RNF169: variants seen among roughly 807,000 people sequenced by gnomAD.
RNF169 encodes E3 ubiquitin-protein ligase RNF169.
A neutral mutation model predicts 53.9 loss-of-function variants in RNF169; 24 were observed. That is an observed-to-expected ratio of 0.45 (90% CI 0.32 to 0.63). The LOEUF is 0.63. Ranked by LOEUF, RNF169 falls within the 20% of genes least tolerant of loss-of-function variation. The probability of loss-of-function intolerance (pLI) is 0.04; values close to 1 mark genes in which losing one functional copy is unlikely to be tolerated. For synonymous variants in RNF169, 396 were observed against 363.5 expected, an observed-to-expected ratio of 1.09 and a Z score of -1.02; for missense variants, 883 against 906.2, an observed-to-expected ratio of 0.97 and a Z score of 0.33.
chr11:74,818,001 C>T (rs2035960536), intron 4 of RNF169, among the ~76,000 whole-genome samples: 1 of 152,228 alleles, frequency 6.6e-6, no homozygotes, highest in Admixed American at 6.5e-5. Flanking sequence ...AAGTCTTCTT[C>T]AGTCTGACAA....
At chr11:74,749,427 C>T in intron 1 of RNF169, 45 bp downstream of exon 1, 3 of 1,221,086 alleles carry the variant, frequency 2.5e-6, no homozygotes, top group Admixed American at 3.5e-5. Context: ...CGAGGCCGAG[C>T]GCGCCCCGGC....
chr11:74,762,425 C>A (rs548207768), intron 1 of RNF169, among the ~76,000 whole-genome samples: 1 of 152,148 alleles, frequency 6.6e-6, no homozygotes, highest in Non-Finnish European at 1.5e-5. Flanking sequence ...TTTTCCCCAT[C>A]TTTGTGGTTT....
At chr11:74,798,348 C>A (rs1201888538) in intron 2 of RNF169, among the ~76,000 whole-genome samples, 1 of 152,180 alleles carries the variant, frequency 6.6e-6, no homozygotes, top group Non-Finnish European at 1.5e-5. Flanking sequence ...TCTGAACTGG[C>A]CCCCCTGGGC....
At chr11:74,762,408 TTG>T (rs1212015300) in intron 1 of RNF169, among the ~76,000 whole-genome samples, 2 of 152,348 alleles carry the variant, frequency 1.3e-5, no homozygotes, top group African/African-American at 4.8e-5. Flanking sequence ...AGTTTTTCTA[TTG>T]TGTTTTTTCC....
At chr11:74,775,470 C>A (rs1338436494) in intron 1 of RNF169, among the ~76,000 whole-genome samples, 1 of 151,528 alleles carries the variant, frequency 6.6e-6, no homozygotes, top group Non-Finnish European at 1.5e-5. Flanking sequence ...TATTTAGAGA[C>A]CATGATTACT....
intron 2 of RNF169, among the ~76,000 whole-genome samples, chr11:74,796,184 G>A (rs1194205556): frequency 6.6e-6 from 1 of 152,058 alleles, no homozygotes; most frequent in East Asian, 1.9e-4. Context: ...ATTGCTAATG[G>A]CATGCTTTTT....
intron 3 of RNF169, among the ~76,000 whole-genome samples, chr11:74,811,119 T>C (rs2035869319): frequency 6.6e-6 from 1 of 152,034 alleles, no homozygotes; most frequent in African/African-American, 2.4e-5. Flanking sequence ...ACAGGCAAGA[T>C]AGCAGAGTGG....
chr11:74,832,468 G>C (rs1454237904), intron 4 of RNF169: 2 of 151,870 alleles, frequency 1.3e-5, no homozygotes, highest in African/African-American at 2.4e-5. Flanking sequence ...CTTTCAATTT[G>C]ACTGTTTTAC....
chr11:74,823,285 C>T (rs1464028468), intron 4 of RNF169, among the ~76,000 whole-genome samples: 1 of 152,126 alleles, frequency 6.6e-6, no homozygotes, highest in African/African-American at 2.4e-5. Context: ...TTAAAAGATA[C>T]TTTGCCTGGT....
chr11:74,836,659 A>T lies in RNF169; in HGVS notation c.2056A>T (p.Thr686Ser). Reference sequence around the variant, plus strand: ...GCGCATGTTCGACAATGAGAGGCGGACTGTGAGCCGGCGAAAAGGAAGTGT... The same window carrying T: ...GCGCATGTTCGACAATGAGAGGCGGTCTGTGAGCCGGCGAAAAGGAAGTGT... Reference protein sequence around the residue: ...LQRMFDNERRTVSRRKGSVDQ... With the variant: ...LQRMFDNERRSVSRRKGSVDQ... The change falls in exon 6 of 6, where the codon ACT (threonine) becomes TCT (serine). Residue 686 changes from threonine to serine, a missense_variant. Around this residue, in one of 3 missense-constraint regions of RNF169, gnomAD observed 351 missense variants for 337.3 expected, o/e 1.04. Coordinates refer to ENST00000299563, the MANE Select transcript of RNF169 (RefSeq NM_001098638.2). 1.2e-6 allele frequency: 2 copies of T among 1,613,914 alleles called. No homozygotes were observed. Among genetic ancestry groups the T allele is most frequent in the Non-Finnish European group, 1.7e-6 (2 of 1,180,034 alleles).
intron 2 of RNF169, among the ~76,000 whole-genome samples, 168 bp downstream of exon 2, chr11:74,789,867 G>A (rs1361954304): frequency 6.6e-5 from 10 of 152,194 alleles, no homozygotes; most frequent in African/African-American, 2.4e-4. Flanking sequence ...TGGCAGCAGA[G>A]CAAACCTTAA....
intron 4 of RNF169, among the ~76,000 whole-genome samples, chr11:74,833,345 C>G (rs564805422): frequency 6.6e-6 from 1 of 152,312 alleles, no homozygotes; most frequent in South Asian, 2.1e-4. Flanking sequence ...ATGATGCGTT[C>G]CATTCCAAAG....
At chr11:74,761,473 C>T (rs1278043917) in intron 1 of RNF169, among the ~76,000 whole-genome samples, 3,381 of 148,880 alleles carry the variant, frequency 0.023, 138 homozygotes, top group African/African-American at 0.077. Context: ...CCATGTTTAG[C>T]GCTTCCTTCA....
chr11:74,816,191 C>G (rs1417037014), intron 3 of RNF169, among the ~76,000 whole-genome samples: 2 of 152,202 alleles, frequency 1.3e-5, no homozygotes, highest in African/African-American at 4.8e-5. Flanking sequence ...TGATGCCTTG[C>G]GTGCCTACAT....
chr11:74,818,919 A>C (rs996743714), intron 4 of RNF169, among the ~76,000 whole-genome samples: 37 of 152,180 alleles, frequency 2.4e-4, no homozygotes, highest in Admixed American at 2.0e-3. Context: ...CTAATTATTT[A>C]AAAAATAATT....
At chr11:74,835,395 T>G in intron 5 of RNF169, 151 bp from the exon 6 acceptor site, 2 of 624,788 alleles carry the variant, frequency 3.2e-6, no homozygotes, top group Non-Finnish European at 2.8e-6. Flanking sequence ...GCTTTCTAAG[T>G]TAGGGATTTT....
Position 74,818,839 on chromosome 11 carries a change from G to C in RNF169, c.842+1125G>C, listed in dbSNP as rs575467644. Among the ~76,000 whole-genome samples, 3 of 152,236 alleles carry C rather than the reference G, an allele frequency of 2.0e-5. No homozygotes were observed. The East Asian group carries it at 5.8e-4, about 29-fold the overall frequency. The stretch of plus-strand genomic sequence containing the variant: ...TGCTGCTCCTGTGAATACACACCCA[G>C]ACCCTTTCATTTTGGGGCTTTTTTG... On this transcript the variant is annotated intron_variant, in intron 4 of 5. Coordinates refer to ENST00000299563, the MANE Select transcript of RNF169 (RefSeq NM_001098638.2).
intron 4 of RNF169, among the ~76,000 whole-genome samples, chr11:74,824,652 A>C (rs1159898585): frequency 1.3e-5 from 2 of 152,238 alleles, no homozygotes; most frequent in Admixed American, 1.3e-4. Context: ...AAAAGTTTGA[A>C]ATATTGTGAG....
chr11:74,759,914 A>C (rs1430999735), intron 1 of RNF169, among the ~76,000 whole-genome samples: 10 of 151,530 alleles, frequency 6.6e-5, no homozygotes, highest in Non-Finnish European at 4.4e-5. Flanking sequence ...CCTCTGGTAG[A>C]ATTCGGCTGT....
Sources: gnomAD v4.1 joint callset for allele counts (sites outside exome capture counted in the v4.1 genomes callset) on GRCh38, gnomAD v4.1.1 for gene constraint, gnomAD v4.1.1 regional missense constraint, MANE v1.5 for transcripts, NCBI Gene and HGNC (gene_info 2026-07-23, HGNC 2026-07-21) for gene names.